Variants in C20orf173 observed in about 807,000 individuals in gnomAD.
The protein encoded by C20orf173 is chromosome 20 open reading frame 173, also known as uncharacterized protein C20orf173.
A neutral mutation model predicts 26.7 loss-of-function variants in C20orf173; 22 were observed. The observed-to-expected ratio is 0.82, with a 90% CI of 0.59 to 1.18. The LOEUF is 1.18. Ranked by LOEUF, C20orf173 falls within the 50% of genes most tolerant of loss-of-function variation. The pLI is 0.00. For missense variants in C20orf173, 210 were observed against 250.3 expected, an observed-to-expected ratio of 0.84 and a Z score of 1.09; for synonymous variants, 85 against 96.4, an observed-to-expected ratio of 0.88 and a Z score of 0.69.
chr20:35,524,728 C>T (rs224397), downstream of C20orf173, among the ~76,000 whole-genome samples: 100,387 of 147,158 alleles, frequency 0.68, 34,782 homozygotes, highest in East Asian at 0.78. Flanking sequence ...GACAGAATTT[C>T]GCTCTTGTTG....
At chr20:35,525,498 G>A (rs2064497974), downstream of C20orf173, among the ~76,000 whole-genome samples, 1 of 152,146 alleles carries the variant, frequency 6.6e-6, no homozygotes, top group Non-Finnish European at 1.5e-5. Flanking sequence ...GTTGCAGTGA[G>A]CTGAGATCAT....
intron 3 of C20orf173, 21 bp downstream of exon 3, chr20:35,528,680 C>A: frequency 6.5e-7 from 1 of 1,528,494 alleles, no homozygotes; most frequent in South Asian, 1.2e-5. Context: ...TTCCTGCTCC[C>A]GCCCTCTCCC....
chr20:35,528,977 C>T lies in C20orf173; in HGVS notation c.309+88G>A, dbSNP rs572640231. ...CATCCAGAGGCTGTGAAGACAGGGC[C>T]AAGGGCAGGGATTTGGGCGGAAAGT... is the stretch of plus-strand genomic sequence containing the variant. On this transcript the variant is annotated intron_variant, in intron 2 of 5. Transcript: ENST00000444723. 548 of 1,536,972 alleles carry T rather than the reference C, an allele frequency of 3.6e-4. 18 individuals are homozygous for T. In the South Asian group the frequency reaches 6.3e-3, roughly 18 times the overall value.
chr20:35,528,510 C>G lies in C20orf173; in HGVS notation c.523G>C (p.Glu175Gln), dbSNP rs2064522317. Residue 175 changes from glutamate (E) to glutamine (Q), a missense_variant, in exon 4 of 6, where the codon GAG becomes CAG. Coordinates refer to ENST00000444723, the MANE Select transcript of C20orf173 (RefSeq NM_001145350.2). ...TCAGAGAGCTTCCGCAGTAGCATCT[C>G]CAGCTGCATCCAGGAGCCCTGGTCG... ...ASDQGSWMQL[E>Q]MLLRKLSDLV... 6.4e-7 allele frequency: 1 copy of G among 1,551,746 alleles called. No individual in the cohort carries two copies. Among genetic ancestry groups the G allele is most frequent in the East Asian group, 2.4e-5 (1 of 40,922 alleles).
At chr20:35,528,328 G>A (rs1434107022) in intron 4 of C20orf173, 44 bp from the exon 5 acceptor site, 1 of 1,551,512 alleles carries the variant, frequency 6.4e-7, no homozygotes, top group South Asian at 1.2e-5. Context: ...CACAAGACCT[G>A]GGAAAGTCCT....
At chr20:35,526,721 C>G (rs1344615395), downstream of C20orf173, among the ~76,000 whole-genome samples, 2 of 149,798 alleles carry the variant, frequency 1.3e-5, no homozygotes, top group Non-Finnish European at 3.0e-5. Context: ...AAAAGCTGGG[C>G]AAAAAAACAA....
chr20:35,528,584 C>T (rs888955822), intron 3 of C20orf173, 40 bp from the exon 4 acceptor site: 61 of 1,548,990 alleles, frequency 3.9e-5, no homozygotes, highest in African/African-American at 2.5e-4. Context: ...TGGTTCCCCA[C>T]GTCCATCTCA....
downstream of C20orf173, among the ~76,000 whole-genome samples, chr20:35,525,955 G>A (rs1278693027): frequency 6.6e-6 from 1 of 152,220 alleles, no homozygotes; most frequent in Non-Finnish European, 1.5e-5. Context: ...CTGAGCCACT[G>A]TGCCCAGCCA....
rs1466846018 is a variant in C20orf173 at position 35,529,064 on chromosome 20, C to T, written c.309+1G>A. The T allele has an allele frequency of 1.9e-6, 3 of 1,548,216 alleles. No individual in the cohort carries two copies. The Admixed American group carries it at 5.9e-5, about 30-fold the overall frequency. ...GGCCGGGCCCAGTGTTGACCACTGA[C>T]CAACCACCAGAGCACAGTGTCAGAG... On this transcript the variant is annotated splice_donor_variant, in intron 2 of 5. Transcript: ENST00000444723. LOFTEE classifies it high-confidence loss of function.
intron 1 of C20orf173, 38 bp downstream of exon 1, chr20:35,529,521 C>A (rs2064535916): frequency 1.4e-6 from 1 of 692,178 alleles, no homozygotes; most frequent in Non-Finnish European, 2.4e-6. Context: ...CACCTCCTTC[C>A]AACCCCTCCT....
Position 35,529,138 on chromosome 20 carries a change from C to G in C20orf173, c.236G>C (p.Cys79Ser). 6.4e-7 allele frequency: 1 copy of G among 1,551,706 alleles called. No homozygotes were observed. Among genetic ancestry groups the G allele is most frequent in the Non-Finnish European group, 8.7e-7 (1 of 1,146,996 alleles). ...TADEWNWLDA[C>S]SRKTMGYLMR... ...CAGGTACCCCATAGTCTTCCTGGAG[C>G]ACGCATCAAGCCAGTTCCATTCGTC... is the stretch of plus-strand genomic sequence containing the variant. Residue 79 changes from cysteine (C) to serine (S), a missense_variant, in exon 2 of 6, where the codon TGC becomes TCC. Coordinates refer to ENST00000444723, the MANE Select transcript of C20orf173 (RefSeq NM_001145350.2).
At chr20:35,526,057 C>T (rs1011554206), downstream of C20orf173, among the ~76,000 whole-genome samples, 46 of 152,060 alleles carry the variant, frequency 3.0e-4, no homozygotes, top group Non-Finnish European at 5.6e-4. Context: ...AACAATTCGC[C>T]GGCTAAATAT....
downstream of C20orf173, among the ~76,000 whole-genome samples, chr20:35,524,823 T>C (rs138675832): frequency 0.013 from 1,986 of 151,152 alleles, 40 homozygotes; most frequent in African/African-American, 0.045. Context: ...CTCAGCCTCC[T>C]GAGTAGCTGG....
At chr20:35,526,571 A>G (rs1413722416), downstream of C20orf173, among the ~76,000 whole-genome samples, 4 of 151,102 alleles carry the variant, frequency 2.6e-5, no homozygotes, top group African/African-American at 9.8e-5. Context: ...CGAGGCTGCA[A>G]TAAGCCATGA....
At chr20:35,525,552 CA>C (rs988520809), downstream of C20orf173, among the ~76,000 whole-genome samples, 2 of 150,048 alleles carry the variant, frequency 1.3e-5, no homozygotes, top group South Asian at 2.1e-4. Flanking sequence ...GACTCCATCT[CA>C]AAAAAAAAGA....
At position 35,528,454 on chromosome 20, in the gene C20orf173, A is replaced by G; in HGVS notation, c.579T>C (p.Asp193=). ...DLVWTSDALS[D]KILEDGLVP ...TGTCTGGGGACACCTCCATCACCTT[A>G]TCACTTAGAGCATCTGAAGTCCACA... The change falls in exon 4 of 6, where the codon GAT becomes GAC. Residue 193 remains aspartate (D), a synonymous_variant. Transcript: ENST00000444723. 6.4e-7 allele frequency: 1 copy of G among 1,551,572 alleles called. No homozygotes were observed.
chr20:35,522,296 C>T (rs1194761695), downstream of C20orf173: 1 of 152,618 alleles, frequency 6.6e-6, no homozygotes, highest in East Asian at 1.9e-4. Context: ...CAGACTTCAG[C>T]CTTAAGTAAG....
chr20:35,526,165 T>A (rs224400), downstream of C20orf173, among the ~76,000 whole-genome samples: 131,699 of 152,174 alleles, frequency 0.87, 57,326 homozygotes, highest in East Asian at 0.92. Context: ...ATGGCCCACC[T>A]GGAATGCCAC....
chr20:35,528,360 A>G (rs2064519831), intron 4 of C20orf173, 76 bp from the exon 5 acceptor site: 4 of 1,547,996 alleles, frequency 2.6e-6, no homozygotes, highest in Non-Finnish European at 3.5e-6. Context: ...CAGTAAGCCA[A>G]TAGAAGGTCT....
Sources: allele counts gnomAD v4.1 joint callset (sites outside exome capture counted in the v4.1 genomes callset), GRCh38; gene constraint gnomAD v4.1.1; transcripts MANE v1.5; gene names NCBI Gene and HGNC (gene_info 2026-07-23, HGNC 2026-07-21).